The following CHST11 variants were observed in gnomAD, a reference collection of about 807,000 sequenced individuals.
The protein encoded by CHST11 is C4S-1.
Under a neutral mutation model 30.4 loss-of-function variants are expected in CHST11, and 9 were observed. The observed-to-expected ratio is 0.30, with a 90% CI of 0.18 to 0.52. The LOEUF is 0.52. CHST11 is among the 20% of genes least tolerant of loss of function. CHST11 has a pLI of 0.97. For synonymous variants in CHST11, 152 were observed against 187.8 expected (o/e 0.81, Z 1.56); for missense variants, 348 against 460.6 (o/e 0.76, Z 2.24).
At chr12:104,702,611 A>T (rs1422293645) in intron 2 of CHST11, among the ~76,000 whole-genome samples, 1 of 152,046 alleles carries the variant, frequency 6.6e-6, no homozygotes, top group African/African-American at 2.4e-5. Context: ...CAGGGAGAGG[A>T]GAGACAGCCC....
intron 1 of CHST11, among the ~76,000 whole-genome samples, chr12:104,488,613 G>A (rs1479617179): frequency 2.0e-5 from 3 of 146,390 alleles, no homozygotes; most frequent in African/African-American, 5.0e-5. Flanking sequence ...ATGTGTGTAT[G>A]TATGTGTGCA....
rs1592880677 is a variant in CHST11, at chr12:104,758,831, A to G, written c.*1028A>G. 1 of 152,210 alleles carries G rather than the reference A, an allele frequency of 6.6e-6. No homozygotes were observed. Among genetic ancestry groups the G allele is most frequent in the East Asian group, 1.9e-4 (1 of 5,194 alleles). 9.4% of individuals were successfully genotyped at this position (152,210 alleles called of 1,614,324 possible). On this transcript the variant is annotated 3_prime_UTR_variant, in exon 3 of 3. Coordinates refer to ENST00000303694, the MANE Select transcript of CHST11 (RefSeq NM_018413.6). ...TATATTCGTGAGTGATCCCAAGCTC[A>G]CTGACCAACAGAAAAGATGCTAAAA...
In CHST11 at chr12:104,758,533, A is replaced by C. The variant is rs963965411; in HGVS notation, c.*730A>C. ...CAGTTGCAGTGAAGGTGAAGTGGCT[A>C]TTGCTTTATATTCGACAAATATTTA... On this transcript the variant is annotated 3_prime_UTR_variant, in exon 3 of 3. Transcript: ENST00000303694. 1 of 152,178 alleles carries C rather than the reference A, an allele frequency of 6.6e-6. No individual in the cohort carries two copies. Among genetic ancestry groups the C allele is most frequent in the Non-Finnish European group, 1.5e-5 (1 of 68,020 alleles). 9.4% of individuals were successfully genotyped at this position (152,178 alleles called of 1,614,324 possible).
chr12:104,748,699 ATCCCAGCC>A (rs2040407524), intron 2 of CHST11, among the ~76,000 whole-genome samples: 1 of 152,132 alleles, frequency 6.6e-6, no homozygotes, highest in African/African-American at 2.4e-5. Flanking sequence ...TAGTCTTTAA[ATCCCAGCC>A]TCCAGAACTG....
intron 1 of CHST11, among the ~76,000 whole-genome samples, chr12:104,494,997 C>G (rs887008219): frequency 1.3e-5 from 2 of 152,132 alleles, no homozygotes; most frequent in Non-Finnish European, 2.9e-5. Flanking sequence ...CCCTGAGCTT[C>G]CAGTAACCAC....
intron 2 of CHST11, among the ~76,000 whole-genome samples, chr12:104,725,392 A>G (rs905873609): frequency 6.6e-6 from 1 of 152,190 alleles, no homozygotes; most frequent in African/African-American, 2.4e-5. Context: ...GTATGGGTTC[A>G]TGACCTCGAG....
At chr12:104,604,704 C>T (rs2038986905) in intron 2 of CHST11, among the ~76,000 whole-genome samples, 1 of 152,200 alleles carries the variant, frequency 6.6e-6, no homozygotes, top group African/African-American at 2.4e-5. Flanking sequence ...AGGCAGATGA[C>T]AAACCCTCTA....
intron 1 of CHST11, among the ~76,000 whole-genome samples, chr12:104,582,118 G>A (rs978011308): frequency 2.6e-5 from 4 of 152,204 alleles, no homozygotes; most frequent in Admixed American, 1.3e-4. Flanking sequence ...ATATGGAAAT[G>A]TGCGCCTGAG....
chr12:104,659,956 T>C (rs1479606897), intron 2 of CHST11, among the ~76,000 whole-genome samples: 1 of 152,206 alleles, frequency 6.6e-6, no homozygotes, highest in Non-Finnish European at 1.5e-5. Flanking sequence ...CACTCCAGCC[T>C]GGGCAACAGA....
At chr12:104,656,375 T>C (rs1430672158) in intron 2 of CHST11, among the ~76,000 whole-genome samples, 1 of 152,188 alleles carries the variant, frequency 6.6e-6, no homozygotes, top group Non-Finnish European at 1.5e-5. Flanking sequence ...ACTGCTGAGG[T>C]GCGGTGGTCA....
At chr12:104,753,323 C>T (rs1049285421) in intron 2 of CHST11, among the ~76,000 whole-genome samples, 3 of 152,076 alleles carry the variant, frequency 2.0e-5, no homozygotes, top group African/African-American at 7.2e-5. Flanking sequence ...TAATAATCTC[C>T]GTTATTACTG....
chr12:104,760,624 G>T lies in CHST11; in HGVS notation c.*2821G>T, dbSNP rs2040516580. The T allele has an allele frequency of 6.6e-6, 1 of 152,196 alleles. No homozygotes were observed. Among genetic ancestry groups the T allele is most frequent in the Non-Finnish European group, 1.5e-5 (1 of 68,048 alleles). 9.4% of individuals were successfully genotyped at this position (152,196 alleles called of 1,614,324 possible). ...TTTCTGTGTCCGTCTTTGGTCAGTT[G>T]TGCAAGCCTGCTCACTGTCATGTGA... On this transcript the variant is annotated 3_prime_UTR_variant, in exon 3 of 3. Coordinates refer to ENST00000303694, the MANE Select transcript of CHST11 (RefSeq NM_018413.6).
intron 2 of CHST11, among the ~76,000 whole-genome samples, chr12:104,698,645 C>T (rs1021135407): frequency 6.6e-6 from 1 of 152,160 alleles, no homozygotes; most frequent in South Asian, 2.1e-4. Flanking sequence ...CTTACCAGCT[C>T]GGCATAGGCA....
chr12:104,683,945 G>A (rs1284961151), intron 2 of CHST11, among the ~76,000 whole-genome samples: 1 of 152,184 alleles, frequency 6.6e-6, no homozygotes, highest in Non-Finnish European at 1.5e-5. Flanking sequence ...GAGGCCTGGA[G>A]TCCTACCAAT....
At chr12:104,544,957 T>C (rs1322385075) in intron 1 of CHST11, among the ~76,000 whole-genome samples, 1 of 151,714 alleles carries the variant, frequency 6.6e-6, no homozygotes, top group Non-Finnish European at 1.5e-5. Context: ...AATGGGTGGG[T>C]TTATTAGGTC....
At chr12:104,526,955 C>T (rs767724130) in intron 1 of CHST11, among the ~76,000 whole-genome samples, 5 of 152,312 alleles carry the variant, frequency 3.3e-5, no homozygotes, top group South Asian at 4.1e-4. Flanking sequence ...GGGTCCTCAG[C>T]GGCCTGACTG....
chr12:104,504,356 G>A (rs1012606736), intron 1 of CHST11, among the ~76,000 whole-genome samples: 12 of 152,242 alleles, frequency 7.9e-5, no homozygotes, highest in African/African-American at 2.2e-4. Context: ...CAGGCGCAGT[G>A]GCATGTGTGT....
At chr12:104,756,532 G>GGGTGTGTGTGTGTGTGT (rs1555250374) in intron 2 of CHST11, among the ~76,000 whole-genome samples, 4 of 143,292 alleles carry the variant, frequency 2.8e-5, no homozygotes, top group African/African-American at 1.0e-4. Context: ...ATCCATGTGG[G>GGGTGTGTGTGTGTGTGT]GTGTGTGTGT....
intron 1 of CHST11, among the ~76,000 whole-genome samples, chr12:104,460,047 A>C (rs1390857078): frequency 6.6e-6 from 1 of 152,182 alleles, no homozygotes; most frequent in African/African-American, 2.4e-5. Flanking sequence ...TCATTTTATT[A>C]AGCTACACTG....
Sources: gnomAD v4.1 joint callset for allele counts (sites outside exome capture counted in the v4.1 genomes callset) on GRCh38, gnomAD v4.1.1 for gene constraint, MANE v1.5 for transcripts, NCBI Gene and HGNC (gene_info 2026-07-23, HGNC 2026-07-21) for gene names.